The following TUBGCP5 variants were observed in gnomAD, a reference collection of about 807,000 sequenced individuals.
TUBGCP5 encodes tubulin gamma complex component 5, also known as gamma-tubulin complex component 5.
Under a neutral mutation model 134.7 loss-of-function variants are expected in TUBGCP5, and 98 were observed. The ratio of observed to expected loss-of-function variants is 0.73; its 90% CI spans 0.62 to 0.86. The LOEUF (loss-of-function observed/expected upper bound fraction) is 0.86, where lower values mean the gene tolerates loss of function less well. Among genes scored for constraint, TUBGCP5 ranks in the 40% least tolerant of loss-of-function variants. The probability of loss-of-function intolerance (pLI) is 0.00; values close to 1 mark genes in which losing one functional copy is unlikely to be tolerated. For synonymous variants in TUBGCP5, 456 were observed against 431.4 expected (o/e 1.06, Z -0.71); for missense variants, 1,150 against 1,244.8 (o/e 0.92, Z 1.15).
At chr15:22,992,649 A>G (rs1211040048) in intron 23 of TUBGCP5, among the ~76,000 whole-genome samples, 4 of 152,134 alleles carry the variant, frequency 2.6e-5, no homozygotes, top group South Asian at 2.1e-4. Context: ...TGATGACACT[A>G]AAGTGCTTTG....
At chr15:22,987,191 G>A (rs913388058) in intron 23 of TUBGCP5, among the ~76,000 whole-genome samples, 26 of 151,976 alleles carry the variant, frequency 1.7e-4, no homozygotes, top group African/African-American at 5.6e-4. Context: ...GAAATTAACC[G>A]GGCGTGGTGG....
chr15:23,001,907 C>T (rs768224140), intron 21 of TUBGCP5, among the ~76,000 whole-genome samples: 11 of 152,048 alleles, frequency 7.2e-5, no homozygotes, highest in Non-Finnish European at 1.2e-4. Flanking sequence ...TCAAAAATAT[C>T]ATCTAATAGC....
chr15:23,032,288 G>A (rs1161619445), intron 4 of TUBGCP5, among the ~76,000 whole-genome samples: 1 of 152,138 alleles, frequency 6.6e-6, no homozygotes, highest in Non-Finnish European at 1.5e-5. Flanking sequence ...AATATCTGAG[G>A]GGAATTGGTT....
chr15:22,999,338 C>T lies in TUBGCP5; in HGVS notation c.*482G>A, dbSNP rs2064239262. On this transcript the variant is annotated 3_prime_UTR_variant, in exon 23 of 23. Coordinates refer to ENST00000615383, the MANE Select transcript of TUBGCP5 (RefSeq NM_052903.6). ...TACTACTGACACAATTTTATGTATA[C>T]AACTCTATACAGTATCTACTAATCT... is the stretch of plus-strand genomic sequence containing the variant. The T allele has an allele frequency of 6.2e-6, 1 of 160,852 alleles. No homozygotes were observed. Among genetic ancestry groups the T allele is most frequent in the Non-Finnish European group, 1.4e-5 (1 of 72,656 alleles). 10.0% of individuals were successfully genotyped at this position (160,852 alleles called of 1,614,324 possible). A position where few individuals can be genotyped will look rare whatever the true frequency, so the allele number is the denominator to read the frequency against.
In TUBGCP5 at chr15:23,009,997, G is replaced by A. The variant is rs2064941353; in HGVS notation, c.2092C>T (p.Gln698Ter). The A allele has an allele frequency of 6.2e-7, 1 of 1,614,048 alleles. No individual in the cohort carries two copies. The highest frequency in any genetic ancestry group is 8.5e-7 in the Non-Finnish European group (1 of 1,179,998). Residue 698 changes from glutamine to a stop codon, truncating the protein, a stop_gained, in exon 15 of 23, where the codon CAG (glutamine) becomes TAG (stop). Transcript: ENST00000615383. LOFTEE classifies it high-confidence loss of function. ...RSCLYPHIDK[Q>*]YLDCCGNLMQ... ...AGATTTCCACAGCAATCTAGATACT[G>A]CTTGTCAATATGAGGATAGAGGCAG...
chr15:23,027,029 C>A (rs923088805), intron 7 of TUBGCP5, among the ~76,000 whole-genome samples, 163 bp downstream of exon 7: 8 of 151,952 alleles, frequency 5.3e-5, no homozygotes, highest in Admixed American at 5.2e-4. Flanking sequence ...GCACTGCAGT[C>A]TGGGCAACGA....
chr15:23,023,815 A>G, intron 10 of TUBGCP5, 132 bp downstream of exon 10: 1 of 807,454 alleles, frequency 1.2e-6, no homozygotes, highest in Non-Finnish European at 1.8e-6. Flanking sequence ...ATTTAAAATA[A>G]TTTTAAAAGA....
rs902508416 is a variant in TUBGCP5 at position 22,990,829 on chromosome 15, G to A, written c.*61+6016C>T. Among the ~76,000 whole-genome samples the A allele has an allele frequency of 3.9e-5, 6 of 152,272 alleles. No homozygotes were observed. The East Asian group carries it at 7.7e-4, about 20-fold the overall frequency. On this transcript the variant is annotated intron_variant and NMD_transcript_variant, in intron 23 of 23. Coordinates refer to the TUBGCP5 transcript ENST00000614508. ...TAAGCAGTGTGCTTACAAGAGACAC[G>A]CAGAGAACAGACCCAGAAAGAGGCA...
chr15:22,993,679 G>T (rs2063939740), intron 23 of TUBGCP5, among the ~76,000 whole-genome samples: 2 of 151,348 alleles, frequency 1.3e-5, no homozygotes, highest in African/African-American at 4.9e-5. Flanking sequence ...TGAGTAGCTG[G>T]GATTACAGGT....
At chr15:22,989,492 C>G (rs982217735) in intron 23 of TUBGCP5, among the ~76,000 whole-genome samples, 1 of 152,164 alleles carries the variant, frequency 6.6e-6, no homozygotes. Context: ...ACTTGGCACC[C>G]ATACATATCC....
chr15:23,036,852 GA>G, intron 3 of TUBGCP5, 44 bp downstream of exon 3: 2 of 1,254,674 alleles, frequency 1.6e-6, no homozygotes, highest in South Asian at 2.6e-5. Flanking sequence ...AATCAGATAG[GA>G]AACAGTAAAA....
At chr15:23,006,749 G>A (rs561096580) in intron 16 of TUBGCP5, among the ~76,000 whole-genome samples, 11 of 152,254 alleles carry the variant, frequency 7.2e-5, no homozygotes, top group Admixed American at 5.9e-4. Flanking sequence ...GTACTGCTTC[G>A]AGAGCCCCAT....
In TUBGCP5 at chr15:23,027,216, A is replaced by T; in HGVS notation, c.713T>A (p.Leu238Ter). The stretch of plus-strand genomic sequence containing the variant: ...CCAGACAGCAGCTAAATTAGAGTGC[A>T]AATGTAAACTATGAGGAAACTGGGA... ...RPSQFPHSLH[L>*]HSNLAAVWDQ... Residue 238 changes from leucine (L) to a stop codon, truncating the protein, a stop_gained, in exon 7 of 23, where the codon TTG becomes TAG. Coordinates refer to ENST00000615383, the MANE Select transcript of TUBGCP5 (RefSeq NM_052903.6). LOFTEE classifies it high-confidence loss of function. 6.2e-7 allele frequency: 1 copy of T among 1,613,714 alleles called. No homozygotes were observed. The highest frequency in any genetic ancestry group is 8.5e-7 in the Non-Finnish European group (1 of 1,179,764).
rs1408414736 is a variant in TUBGCP5 at position 23,008,764 on chromosome 15, A to G, written c.2262T>C (p.Asn754=). 8.7e-6 allele frequency: 14 copies of G among 1,609,062 alleles called. No homozygotes were observed. Among genetic ancestry groups the G allele is most frequent in the Non-Finnish European group, 1.2e-5 (14 of 1,178,912 alleles). The change falls in exon 16 of 23, where the codon AAT becomes AAC. Residue 754 remains asparagine, a synonymous_variant. Coordinates refer to ENST00000615383, the MANE Select transcript of TUBGCP5 (RefSeq NM_052903.6). The part of the protein sequence containing the change: ...DKIREKETWQ[N]VSFLNVQLQE... ...GGAGTTGGACATTAAGAAAAGACAC[A>G]TTCTGCCATGTTTCCTTTTCTCTTA... is the stretch of plus-strand genomic sequence containing the variant.
In TUBGCP5 at chr15:23,017,777, G is replaced by A. The variant is rs1269143499; in HGVS notation, c.1752C>T (p.Ala584=). ...ACAGGAAGACGGAACAAGTACCTCTGGCTCCTGCCTGGCAGGTGGTGCTCT... is the reference window on the plus strand; with the variant it reads ...ACAGGAAGACGGAACAAGTACCTCTAGCTCCTGCCTGGCAGGTGGTGCTCT... ...CAESTTCQAG[A]RDAERKSLYT... is the part of the protein sequence containing the mutation. Residue 584 remains alanine (A), a synonymous_variant, in exon 13 of 23, where the codon GCC becomes GCT. Coordinates refer to ENST00000615383, the MANE Select transcript of TUBGCP5 (RefSeq NM_052903.6). 6 of 1,612,896 alleles carry A rather than the reference G, an allele frequency of 3.7e-6. No individual in the cohort carries two copies. Among genetic ancestry groups the A allele is most frequent in the South Asian group, 3.3e-5 (3 of 90,970 alleles).
chr15:23,024,340 A>T (rs2065878004), intron 9 of TUBGCP5, 147 bp from the exon 10 acceptor site: 2 of 816,436 alleles, frequency 2.4e-6, no homozygotes, highest in Non-Finnish European at 3.5e-6. Context: ...ATTAATATTT[A>T]TAATTTTATA....
rs566882336 is a variant in TUBGCP5 at position 22,989,301 on chromosome 15, T to C, written c.*62-5690A>G. Among the ~76,000 whole-genome samples, 417 of 152,292 alleles carry C rather than the reference T, an allele frequency of 2.7e-3. 3 individuals are homozygous for C. The highest frequency in any genetic ancestry group is 9.5e-3 in the African/African-American group (394 of 41,546). ...CTCTGCCTCAGTGTCCTCTAACCCA[T>C]TGAATCCGGCCCAGCTGGACTGCCT... On this transcript the variant is annotated intron_variant and NMD_transcript_variant, in intron 23 of 23. Coordinates refer to the TUBGCP5 transcript ENST00000614508.
chr15:22,990,648 A>C (rs79920945), intron 23 of TUBGCP5, among the ~76,000 whole-genome samples: 101 of 152,204 alleles, frequency 6.6e-4, no homozygotes, highest in South Asian at 1.2e-3. Flanking sequence ...AACTGTAATA[A>C]ATTTCTCCTG....
Position 23,003,114 on chromosome 15 carries a change from A to G in TUBGCP5, c.2878T>C (p.Leu960=). The G allele has an allele frequency of 1.2e-6, 2 of 1,614,196 alleles. No homozygotes were observed. Among genetic ancestry groups the G allele is most frequent in the Non-Finnish European group, 1.7e-6 (2 of 1,180,032 alleles). Residue 960 remains leucine, a synonymous_variant, in exon 21 of 23, where the codon TTG becomes CTG. Coordinates refer to ENST00000615383, the MANE Select transcript of TUBGCP5 (RefSeq NM_052903.6). ...VKEAIMKVLN[L]ALMFADGWQA... ...CAACCGTCTGCAAACATGAGAGCCA[A>G]GTTCAACACCTTCATGATAGCTTCT...
Sources: gnomAD v4.1 joint callset for allele counts (sites outside exome capture counted in the v4.1 genomes callset) on GRCh38, gnomAD v4.1.1 for gene constraint, MANE v1.5 for transcripts, NCBI Gene and HGNC (gene_info 2026-07-23, HGNC 2026-07-21) for gene names.